Variants in PTPRB observed in about 807,000 individuals in gnomAD.
PTPRB encodes the protein receptor-type tyrosine-protein phosphatase beta.
A neutral mutation model predicts 238.1 loss-of-function variants in PTPRB; 97 were observed. The ratio of observed to expected loss-of-function variants is 0.41; its 90% CI spans 0.35 to 0.48. The LOEUF (loss-of-function observed/expected upper bound fraction) is 0.48. Among genes scored for constraint, PTPRB ranks in the 20% least tolerant of loss-of-function variants. The pLI, the probability that PTPRB is intolerant of heterozygous loss-of-function variation, is 0.30. For synonymous variants in PTPRB, 970 were observed against 995.4 expected, an observed-to-expected ratio of 0.97 and a Z score of 0.48; for missense variants, 2,292 against 2,681.9, an observed-to-expected ratio of 0.85 and a Z score of 3.21.
chr12:70,567,852 T>A (rs1159793645), intron 14 of PTPRB, among the ~76,000 whole-genome samples: 1 of 152,178 alleles, frequency 6.6e-6, no homozygotes, highest in East Asian at 1.9e-4. Flanking sequence ...TCTAGTATAC[T>A]TTTGCTTTTT....
intron 5 of PTPRB, among the ~76,000 whole-genome samples, chr12:70,595,391 A>G (rs975181126): frequency 6.6e-6 from 1 of 152,198 alleles, no homozygotes; most frequent in Non-Finnish European, 1.5e-5. Flanking sequence ...TGGCACGTGT[A>G]TACCTATGTA....
chr12:70,540,014 C>G lies in PTPRB; in HGVS notation c.5603G>C (p.Arg1868Pro). 1 of 1,606,210 alleles carries G rather than the reference C, an allele frequency of 6.2e-7. No individual in the cohort carries two copies. Residue 1868 changes from arginine (R) to proline (P), a missense_variant, in exon 24 of 34, where the codon CGA (arginine) becomes CCA (proline). Coordinates refer to ENST00000334414, the MANE Select transcript of PTPRB (RefSeq NM_001109754.4). ...LICRQKVSHG[R>P]ERPSARLSIR... ...GCTCAGACGGGCAGAGGGTCTTTCT[C>G]GACCATGGCTGAAACATAAGGGAGA...
chr12:70,544,715 G>C (rs1012347195), intron 21 of PTPRB, 52 bp from the exon 22 acceptor site: 6 of 1,236,440 alleles, frequency 4.9e-6, no homozygotes, highest in Non-Finnish European at 6.6e-6. Context: ...GAACACAGTA[G>C]CTGAAAAATG....
In PTPRB at chr12:70,518,587, A is replaced by T. The variant is rs1290944329; in HGVS notation, c.*2902T>A. The T allele has an allele frequency of 6.6e-6, 1 of 152,186 alleles. No homozygotes were observed. The highest frequency in any genetic ancestry group is 1.5e-5 in the Non-Finnish European group (1 of 68,038). 9.4% of individuals were successfully genotyped at this position (152,186 alleles called of 1,614,324 possible). On this transcript the variant is annotated 3_prime_UTR_variant, in exon 34 of 34. Coordinates refer to ENST00000334414, the MANE Select transcript of PTPRB (RefSeq NM_001109754.4). ...TCAAGTAGGAGGAGTGGGGCAAGTA[A>T]TAAAACAGAGGGACTCAGAGGTTTA...
At chr12:70,555,401 C>T in intron 19 of PTPRB, 92 bp from the exon 20 acceptor site, 1 of 1,216,346 alleles carries the variant, frequency 8.2e-7, no homozygotes. Context: ...ATTCTGCTCT[C>T]CTGCATCAGA....
chr12:70,572,232 T>G, intron 11 of PTPRB, 145 bp from the exon 12 acceptor site: 1 of 824,820 alleles, frequency 1.2e-6, no homozygotes, highest in South Asian at 1.7e-5. Flanking sequence ...AGGTTACAAA[T>G]TTCTGGAGGG....
In PTPRB at chr12:70,516,336, T is replaced by G. The variant is rs943236204; in HGVS notation, c.*5153A>C. On this transcript the variant is annotated 3_prime_UTR_variant, in exon 34 of 34. Coordinates refer to ENST00000334414, the MANE Select transcript of PTPRB (RefSeq NM_001109754.4). ...GAGCTGTGCACTAATTTCCACAAGG[T>G]AGGAGTCGAGACGAGATTAAAGACT... 6.6e-6 allele frequency: 1 copy of G among 152,166 alleles called. No homozygotes were observed. The highest frequency in any genetic ancestry group is 6.5e-5 in the Admixed American group (1 of 15,272). 9.4% of individuals were successfully genotyped at this position (152,166 alleles called of 1,614,324 possible).
intron 16 of PTPRB, among the ~76,000 whole-genome samples, chr12:70,562,137 T>C (rs922199170): frequency 3.9e-5 from 6 of 151,990 alleles, no homozygotes; most frequent in African/African-American, 1.4e-4. Flanking sequence ...GTTAAAAGTT[T>C]GCCATGCATG....
rs1331095459 is a variant in PTPRB, at chr12:70,619,354, T to C, written c.708+3036A>G. On this transcript the variant is annotated intron_variant, in intron 3 of 33. Coordinates refer to ENST00000334414, the MANE Select transcript of PTPRB (RefSeq NM_001109754.4). ...ATGATAATGATGATACTATGGTAGA[T>C]TGCTTAATGGTCACAGATTCCTCCC... Among the ~76,000 whole-genome samples the C allele has an allele frequency of 3.9e-5, 6 of 152,084 alleles. 1 individual carries two copies. Among genetic ancestry groups the C allele is most frequent in the South Asian group, 4.2e-4 (2 of 4,808 alleles).
intron 3 of PTPRB, among the ~76,000 whole-genome samples, chr12:70,613,917 G>A (rs560800288): frequency 6.6e-6 from 1 of 152,032 alleles, no homozygotes; most frequent in Non-Finnish European, 1.5e-5. Context: ...GAAGGGAAGA[G>A]GGGAAAGAGA....
Position 70,626,299 on chromosome 12 carries a change from C to CCA in PTPRB, c.452-3654_452-3653insTG, listed in dbSNP as rs1885179627. Among the ~76,000 whole-genome samples the CCA allele has an allele frequency of 3.2e-3, 91 of 28,522 alleles. 7 individuals carry two copies. Among genetic ancestry groups the CCA allele is most frequent in the Admixed American group, 0.031 (79 of 2,550 alleles). The allele number at this position is 28,522 out of a possible 152,430, so 18.7% of individuals were successfully genotyped here. Reference sequence around the variant, plus strand: ...AAAAGGATGATGTCTATCCATCCATCTATCTATCTATCTATCTATCTATCT... The same window carrying CCA: ...AAAAGGATGATGTCTATCCATCCATCCATATCTATCTATCTATCTATCTATCT... On this transcript the variant is annotated intron_variant, in intron 2 of 33. Transcript: ENST00000334414.
intron 6 of PTPRB, among the ~76,000 whole-genome samples, chr12:70,593,764 TAG>T (rs763964767): frequency 1.3e-5 from 2 of 150,290 alleles, no homozygotes; most frequent in Non-Finnish European, 3.0e-5. Context: ...CTACATATAT[TAG>T]AGTTTCTCTT....
Position 70,571,896 on chromosome 12 carries a change from G to A in PTPRB, c.3034C>T (p.Arg1012Trp), listed in dbSNP as rs752827762. 24 of 1,613,726 alleles carry A rather than the reference G, an allele frequency of 1.5e-5. No homozygotes were observed. The highest frequency in any genetic ancestry group is 8.9e-5 in the East Asian group (4 of 44,876). ...ECVFVQLVPG[R>W]LYSVTVTTKS... Reference sequence around the variant, plus strand: ...GTAGTAACAGTGACACTGTACAACCGTCCAGGGACTAGCTGAACAAATACA... The same window carrying A: ...GTAGTAACAGTGACACTGTACAACCATCCAGGGACTAGCTGAACAAATACA... Residue 1012 changes from arginine to tryptophan, a missense_variant, in exon 12 of 34, where the codon CGG (arginine) becomes TGG (tryptophan). This residue lies in a region of PTPRB where 1,205 missense variants were observed against 1,287.8 expected (regional missense o/e 0.94). Coordinates refer to ENST00000334414, the MANE Select transcript of PTPRB (RefSeq NM_001109754.4).
intron 7 of PTPRB, chr12:70,592,026 T>A (rs1882537659): frequency 3.7e-6 from 2 of 536,876 alleles, no homozygotes; most frequent in Admixed American, 6.5e-5. Flanking sequence ...GTATCAATGC[T>A]AATGCATTTA....
intron 14 of PTPRB, among the ~76,000 whole-genome samples, chr12:70,568,933 A>T (rs1229462634): frequency 6.6e-6 from 1 of 152,158 alleles, no homozygotes; most frequent in Admixed American, 6.5e-5. Flanking sequence ...AAAATAATAC[A>T]TGAATAGTGA....
rs1874612858 is a variant in PTPRB, at chr12:70,538,958, ATTCTC to A, written c.5830_5834del (p.Glu1944Ter). On this transcript the variant is annotated frameshift_variant, in exon 27 of 34. Transcript: ENST00000334414. LOFTEE classifies it high-confidence loss of function. ...TATTGTTGTATCGATTTTTCCCTCT[ATTCTC>A]CGGCAAGAGTGCAATGTCACATGAC... 6.2e-7 allele frequency: 1 copy of A among 1,613,734 alleles called. No homozygotes were observed. The highest frequency in any genetic ancestry group is 8.5e-7 in the Non-Finnish European group (1 of 1,179,776).
chr12:70,597,211 C>T (rs117661964), intron 4 of PTPRB, among the ~76,000 whole-genome samples: 4,328 of 152,196 alleles, frequency 0.028, 94 homozygotes, highest in Non-Finnish European at 0.041. Flanking sequence ...CATGAGCCAC[C>T]GCATCTGGCC....
chr12:70,612,407 C>T (rs1267745301), intron 3 of PTPRB, among the ~76,000 whole-genome samples: 1 of 152,170 alleles, frequency 6.6e-6, no homozygotes, highest in Non-Finnish European at 1.5e-5. Context: ...TTTGAAACTA[C>T]TGGACAAAGT....
intron 33 of PTPRB, among the ~76,000 whole-genome samples, chr12:70,522,884 AT>A (rs1871828072): frequency 1.1e-5 from 1 of 91,164 alleles, no homozygotes; most frequent in Non-Finnish European, 1.9e-5. Context: ...TTTTTTTGAG[AT>A]GGACTCTTGC....
Sources: gnomAD v4.1 joint callset for allele counts (sites outside exome capture counted in the v4.1 genomes callset) on GRCh38, gnomAD v4.1.1 for gene constraint, gnomAD v4.1.1 regional missense constraint, MANE v1.5 for transcripts, NCBI Gene and HGNC (gene_info 2026-07-23, HGNC 2026-07-21) for gene names.